Variants in KIF20B observed in about 807,000 individuals in gnomAD.
KIF20B encodes kinesin family member 20B.
KIF20B carries 188 observed loss-of-function variants against 232.5 expected under a neutral mutation model. The ratio of observed to expected loss-of-function variants is 0.81; its 90% CI spans 0.72 to 0.91. KIF20B has a LOEUF of 0.91. Ranked by LOEUF, KIF20B falls within the 40% of genes least tolerant of loss-of-function variation. The pLI is 0.00. For synonymous variants in KIF20B, 712 were observed against 683.0 expected, an observed-to-expected ratio of 1.04 and a Z score of -0.66; for missense variants, 2,154 against 2,055.9, an observed-to-expected ratio of 1.05 and a Z score of -0.92.
intron 6 of KIF20B, 72 bp from the exon 7 acceptor site, chr10:89,713,975 G>A: frequency 3.2e-6 from 2 of 634,874 alleles, no homozygotes; most frequent in Admixed American, 3.5e-5. Flanking sequence ...ATTTGGATAG[G>A]TAATTAATAT....
chr10:89,713,444 A>C (rs1226491968), intron 6 of KIF20B, among the ~76,000 whole-genome samples: 1 of 152,200 alleles, frequency 6.6e-6, no homozygotes, highest in Non-Finnish European at 1.5e-5. Flanking sequence ...ATGTTAAAAA[A>C]AAATGAGATA....
intron 26 of KIF20B, among the ~76,000 whole-genome samples, chr10:89,755,945 T>C (rs1842111565): frequency 6.6e-6 from 1 of 152,168 alleles, no homozygotes; most frequent in Non-Finnish European, 1.5e-5. Flanking sequence ...TTTTCCACTT[T>C]TTTTCTTCCC....
At chr10:89,740,181 C>T (rs1490154070) in intron 21 of KIF20B, among the ~76,000 whole-genome samples, 1 of 146,130 alleles carries the variant, frequency 6.8e-6, no homozygotes, top group Non-Finnish European at 1.5e-5. Context: ...TTCTATTTGT[C>T]TATCCCAGTT....
At chr10:89,741,340 C>A (rs1005553114) in intron 21 of KIF20B, among the ~76,000 whole-genome samples, 1 of 152,186 alleles carries the variant, frequency 6.6e-6, no homozygotes, top group Admixed American at 6.5e-5. Flanking sequence ...CCCTTGTCTG[C>A]CGCTCACCTC....
At chr10:89,765,604 C>T (rs1589884806) in intron 29 of KIF20B, among the ~76,000 whole-genome samples, 2 of 152,190 alleles carry the variant, frequency 1.3e-5, no homozygotes, top group South Asian at 4.2e-4. Context: ...AAGAACAAAG[C>T]TGGAGGCATC....
At chr10:89,727,942 CA>C in intron 17 of KIF20B, 46 bp downstream of exon 17, 1 of 1,467,746 alleles carries the variant, frequency 6.8e-7, no homozygotes. Context: ...ATTTAATTAA[CA>C]AAGGGGTATG....
Position 89,737,793 on chromosome 10 carries a change from A to G in KIF20B, c.2952A>G (p.Leu984=). ...CAAATAATGTTTCACAAATAAAATT[A>G]ATGCACACGAAAATAGACGAACTAC... ...SITNNVSQIK[L]MHTKIDELRT... Residue 984 remains leucine, a synonymous_variant, in exon 20 of 33, where the codon TTA becomes TTG. Transcript: ENST00000371728. The G allele has an allele frequency of 6.2e-7, 1 of 1,612,790 alleles. No individual in the cohort carries two copies. The highest frequency in any genetic ancestry group is 8.5e-7 in the Non-Finnish European group (1 of 1,179,240).
chr10:89,761,347 A>T (rs12264044), intron 28 of KIF20B, among the ~76,000 whole-genome samples: 1 of 151,764 alleles, frequency 6.6e-6, no homozygotes, highest in Admixed American at 6.6e-5. Context: ...TAAAGTGAGT[A>T]CTCCAAGGAA....
chr10:89,701,727 T>A (rs1842612836), intron 1 of KIF20B, 47 bp downstream of exon 1: 1 of 152,436 alleles, frequency 6.6e-6, no homozygotes, highest in Non-Finnish European at 1.5e-5. Flanking sequence ...GGTGGGTGAC[T>A]GCGCATGTAT....
chr10:89,757,069 T>TATATATATATATAC (rs138088478), intron 26 of KIF20B, among the ~76,000 whole-genome samples: 64 of 134,338 alleles, frequency 4.8e-4, no homozygotes, highest in Admixed American at 2.2e-3. Flanking sequence ...TATATATATA[T>TATATATATATATAC]ACACACATGA....
chr10:89,757,409 CTTCT>C (rs1842153011), intron 26 of KIF20B, among the ~76,000 whole-genome samples: 2 of 151,568 alleles, frequency 1.3e-5, no homozygotes, highest in Non-Finnish European at 1.5e-5. Context: ...TTGCAAGTAC[CTTCT>C]TTCTATCTCT....
At chr10:89,756,108 G>C (rs1027062711) in intron 26 of KIF20B, among the ~76,000 whole-genome samples, 1 of 152,168 alleles carries the variant, frequency 6.6e-6, no homozygotes, top group African/African-American at 2.4e-5. Context: ...TGGTTGAAGT[G>C]TGTGTCCTTT....
In KIF20B at chr10:89,738,300, A is replaced by G. The variant is rs765080456; in HGVS notation, c.3459A>G (p.Thr1153=). The G allele has an allele frequency of 1.9e-6, 3 of 1,612,214 alleles. No individual in the cohort carries two copies. In the Admixed American group the frequency reaches 5.0e-5, roughly 27 times the overall value. The stretch of plus-strand genomic sequence containing the variant: ...GAAAGAGAGCGCTTTCAGAACTTAC[A>G]CAAGGTGTTACTTGCTATAAGGCAA... ...VEGKRALSEL[T]QGVTCYKAKI... The change falls in exon 20 of 33, where the codon ACA becomes ACG. Residue 1153 remains threonine (T), a synonymous_variant. Transcript: ENST00000371728.
At position 89,773,955 on chromosome 10, in the gene KIF20B, A is replaced by C. The variant is rs371161187; in HGVS notation, c.5386-16A>C. ...CACTTACAAGCTTTGAAAAACTATGAAATTTTTAATTTCAGATTTTAATGG... is the reference window on the plus strand; with the variant it reads ...CACTTACAAGCTTTGAAAAACTATGCAATTTTTAATTTCAGATTTTAATGG... On this transcript the variant is annotated splice_polypyrimidine_tract_variant and intron_variant, in intron 32 of 32. Coordinates refer to ENST00000371728, the MANE Select transcript of KIF20B (RefSeq NM_001284259.2). The C allele has an allele frequency of 1.6e-5, 24 of 1,486,174 alleles. No individual in the cohort carries two copies. Among genetic ancestry groups the C allele is most frequent in the Non-Finnish European group, 1.6e-5 (18 of 1,091,640 alleles). The allele number at this position is 1,486,174 out of a possible 1,614,324, so 92.1% of individuals were successfully genotyped here. A position where few individuals can be genotyped will look rare whatever the true frequency, so the allele number is the denominator to read the frequency against.
intron 32 of KIF20B, among the ~76,000 whole-genome samples, chr10:89,773,168 T>A (rs1367643728): frequency 6.6e-6 from 1 of 151,900 alleles, no homozygotes; most frequent in Non-Finnish European, 1.5e-5. Context: ...GCCCAAGTGT[T>A]CCTGGTAAAA....
At chr10:89,764,641 G>A (rs1842316576) in intron 29 of KIF20B, among the ~76,000 whole-genome samples, 3 of 151,950 alleles carry the variant, frequency 2.0e-5, no homozygotes, top group African/African-American at 4.8e-5. Flanking sequence ...TTTCTCTGAT[G>A]GCCAGTGATG....
rs528777679 is a variant in KIF20B, at chr10:89,729,245, A to T, written c.2389A>T (p.Asn797Tyr). 1.3e-5 allele frequency: 19 copies of T among 1,482,502 alleles called. No homozygotes were observed. The South Asian group carries it at 2.2e-4, about 17-fold the overall frequency. 91.8% of individuals were successfully genotyped at this position (1,482,502 alleles called of 1,614,324 possible). ...TCATATGGAAAACACATTTAAATGC[A>T]ATGTAAGAATTTAACCTTGTGTTAT... is the stretch of plus-strand genomic sequence containing the variant. ...KSHMENTFKC[N>Y]DKADTSSLII... The change falls in exon 18 of 33, where the codon AAT becomes TAT. Residue 797 changes from asparagine to tyrosine, a missense_variant and splice_region_variant. Coordinates refer to ENST00000371728, the MANE Select transcript of KIF20B (RefSeq NM_001284259.2).
chr10:89,723,426 G>A (rs1843110494), intron 13 of KIF20B: 1 of 152,208 alleles, frequency 6.6e-6, no homozygotes, highest in African/African-American at 2.4e-5. Flanking sequence ...CATCTGGATA[G>A]TTATAAAAGC....
At chr10:89,745,162 T>C (rs185649413) in intron 22 of KIF20B, among the ~76,000 whole-genome samples, 348 of 152,336 alleles carry the variant, frequency 2.3e-3, no homozygotes, top group African/African-American at 7.8e-3. Flanking sequence ...TTGTTTCTGC[T>C]TTTTGTGGTT....
Sources: gnomAD v4.1 joint callset for allele counts (sites outside exome capture counted in the v4.1 genomes callset) on GRCh38, gnomAD v4.1.1 for gene constraint, MANE v1.5 for transcripts, NCBI Gene and HGNC (gene_info 2026-07-23, HGNC 2026-07-21) for gene names.